SOX5: variants seen among roughly 807,000 people sequenced by gnomAD.
The protein encoded by SOX5 is SRY-box transcription factor 5.
In SOX5, 9 loss-of-function variants were observed where a neutral mutation model predicts 92.0. That is an observed-to-expected ratio of 0.10 (90% CI 0.06 to 0.17). The LOEUF is 0.17. SOX5 is among the 10% of genes least tolerant of loss of function. The pLI, the probability that SOX5 is intolerant of heterozygous loss-of-function variation, is 1.00. For synonymous variants in SOX5, 344 were observed against 336.3 expected, an observed-to-expected ratio of 1.02 and a Z score of -0.25; for missense variants, 642 against 944.5, an observed-to-expected ratio of 0.68 and a Z score of 4.20.
At chr12:24,314,221 C>T (rs540990824) in intron 2 of SOX5, among the ~76,000 whole-genome samples, 8 of 152,164 alleles carry the variant, frequency 5.3e-5, no homozygotes, top group South Asian at 2.1e-4. Flanking sequence ...ACAGTTCTTG[C>T]GATAGTTTGC....
chr12:23,992,269 T>G (rs145651622), intron 4 of SOX5, among the ~76,000 whole-genome samples: 1 of 152,228 alleles, frequency 6.6e-6, no homozygotes, highest in African/African-American at 2.4e-5. Flanking sequence ...AAGCTAGATT[T>G]TTCTCCTTAT....
At chr12:23,730,633 G>T (rs1280578867) in intron 6 of SOX5, among the ~76,000 whole-genome samples, 1 of 152,190 alleles carries the variant, frequency 6.6e-6, no homozygotes. Context: ...AATCCAGTTA[G>T]AATTATGCAG....
At chr12:23,931,106 A>T (rs1310000958) in intron 1 of SOX5, among the ~76,000 whole-genome samples, 1 of 151,792 alleles carries the variant, frequency 6.6e-6, no homozygotes. Context: ...AAAATATTCA[A>T]TAAGTATTTC....
In SOX5 at chr12:23,593,236, C is replaced by A. The variant is rs925309291; in HGVS notation, c.1164+11151G>T. Among the ~76,000 whole-genome samples the A allele has an allele frequency of 5.9e-4, 90 of 152,134 alleles. 1 individual carries two copies. Among genetic ancestry groups the A allele is most frequent in the Non-Finnish European group, 1.5e-4 (10 of 68,028 alleles). On this transcript the variant is annotated intron_variant, in intron 9 of 14. Transcript: ENST00000451604. ...AATTCCCCTGATCATATTACACAGA[C>A]TCTAAACAATTCAGGTAATGTAAAT...
intron 6 of SOX5, among the ~76,000 whole-genome samples, chr12:23,719,125 T>G (rs1014848401): frequency 1.3e-5 from 2 of 152,202 alleles, no homozygotes; most frequent in Non-Finnish European, 2.9e-5. Flanking sequence ...CTTCAATATT[T>G]TTTAATTTTT....
intron 2 of SOX5, among the ~76,000 whole-genome samples, chr12:24,306,002 T>C (rs988399052): frequency 6.6e-6 from 1 of 152,170 alleles, no homozygotes; most frequent in East Asian, 1.9e-4. Flanking sequence ...TGCAAAGGGA[T>C]GGGTTCTGCC....
At chr12:23,625,748 T>A (rs1386890790) in intron 8 of SOX5, among the ~76,000 whole-genome samples, 1 of 152,206 alleles carries the variant, frequency 6.6e-6, no homozygotes, top group Non-Finnish European at 1.5e-5. Flanking sequence ...TAGCTGGGAT[T>A]ACAGGCGCCT....
rs149006213 is a variant in SOX5, at chr12:24,409,829, C to T, written c.-250-41190G>A. The stretch of plus-strand genomic sequence containing the variant: ...AGAAATGTTTCTTCAGGTATTTAGC[C>T]CATTTTCTAATTGGATTTCTCTTTT... On this transcript the variant is annotated intron_variant, in intron 1 of 4. Coordinates refer to the SOX5 transcript ENST00000446891. Among the ~76,000 whole-genome samples, 396 of 152,108 alleles carry T rather than the reference C, an allele frequency of 2.6e-3. 5 individuals are homozygous for T. Among genetic ancestry groups the T allele is most frequent in the African/African-American group, 9.1e-3 (376 of 41,484 alleles).
At chr12:24,408,023 T>C (rs1487344530) in intron 1 of SOX5, among the ~76,000 whole-genome samples, 1 of 152,138 alleles carries the variant, frequency 6.6e-6, no homozygotes. Flanking sequence ...TAAGGTGATG[T>C]TTGAGCAGAG....
chr12:24,245,318 T>C (rs1176961357), intron 3 of SOX5, among the ~76,000 whole-genome samples: 1 of 151,264 alleles, frequency 6.6e-6, no homozygotes, highest in Non-Finnish European at 1.5e-5. Flanking sequence ...GGATAGTGCC[T>C]AGCAAATAAC....
chr12:24,050,578 AG>A (rs1569523724), intron 4 of SOX5, among the ~76,000 whole-genome samples: 1 of 152,218 alleles, frequency 6.6e-6, no homozygotes, highest in Non-Finnish European at 1.5e-5. Context: ...TTCTATGAAA[AG>A]GTCATCCTTT....
rs548738139 is a variant in SOX5 at position 24,249,346 on chromosome 12, T to C, written c.-77+27870A>G. ...TTTCCCATTCAATTGAGAGACAATG[T>C]TGGCATGCAGGATTTATCTATCTAG... On this transcript the variant is annotated intron_variant, in intron 3 of 4. Coordinates refer to the SOX5 transcript ENST00000446891. Among the ~76,000 whole-genome samples the C allele has an allele frequency of 3.3e-5, 5 of 152,332 alleles. No homozygotes were observed. In the South Asian group the frequency reaches 1.0e-3, roughly 32 times the overall value.
intron 1 of SOX5, among the ~76,000 whole-genome samples, chr12:24,516,110 A>G (rs977622980): frequency 2.0e-5 from 3 of 150,804 alleles, no homozygotes; most frequent in African/African-American, 4.9e-5. Context: ...TGGTGCGATC[A>G]TAGCTCACTG....
intron 4 of SOX5, among the ~76,000 whole-genome samples, chr12:24,088,460 C>A (rs1194846154): frequency 6.6e-6 from 1 of 151,926 alleles, no homozygotes; most frequent in Non-Finnish European, 1.5e-5. Context: ...TCTGCACACG[C>A]ACCTTTTCAA....
At chr12:23,767,822 CAT>C (rs5797038) in intron 3 of SOX5, among the ~76,000 whole-genome samples, 4,122 of 150,282 alleles carry the variant, frequency 0.027, 165 homozygotes, top group African/African-American at 0.089. Context: ...TATCTTCACT[CAT>C]ATATATATAT....
intron 1 of SOX5, among the ~76,000 whole-genome samples, chr12:24,552,531 T>C (rs1257025828): frequency 2.0e-5 from 3 of 152,224 alleles, no homozygotes; most frequent in African/African-American, 4.8e-5. Flanking sequence ...ATGATCACCT[T>C]TGAGAAACAC....
At chr12:23,883,235 C>A (rs1444500035) in intron 2 of SOX5, among the ~76,000 whole-genome samples, 1 of 151,742 alleles carries the variant, frequency 6.6e-6, no homozygotes. Flanking sequence ...CCAATAGAAC[C>A]ACAGAGCTTT....
chr12:23,864,408 A>T (rs1045785316), intron 2 of SOX5, among the ~76,000 whole-genome samples: 5 of 152,216 alleles, frequency 3.3e-5, no homozygotes, highest in African/African-American at 1.2e-4. Context: ...AGAAATTATT[A>T]TACTTAGTGA....
chr12:24,088,140 TA>T (rs148191435), intron 4 of SOX5, among the ~76,000 whole-genome samples: 24 of 151,568 alleles, frequency 1.6e-4, no homozygotes, highest in Middle Eastern at 3.4e-3. Context: ...ATCTCATCTT[TA>T]AAAAAAAATC....
Sources: gnomAD v4.1 joint callset for allele counts (sites outside exome capture counted in the v4.1 genomes callset) on GRCh38, gnomAD v4.1.1 for gene constraint, MANE v1.5 for transcripts, NCBI Gene and HGNC (gene_info 2026-07-23, HGNC 2026-07-21) for gene names.